Variants in MAGI1 observed in about 807,000 individuals in gnomAD.
The protein encoded by MAGI1 is membrane-associated guanylate kinase, WW and PDZ domain-containing protein 1.
Under a neutral mutation model 139.9 loss-of-function variants are expected in MAGI1, and 58 were observed. The observed-to-expected ratio is 0.41, with a 90% CI of 0.34 to 0.52. The LOEUF (loss-of-function observed/expected upper bound fraction) is 0.52. MAGI1 is among the 20% of genes least tolerant of loss of function. MAGI1 has a pLI of 0.12. For synonymous variants in MAGI1, 812 were observed against 737.9 expected, an observed-to-expected ratio of 1.10 and a Z score of -1.63; for missense variants, 1,874 against 1,901.6, an observed-to-expected ratio of 0.99 and a Z score of 0.27.
intron 12 of MAGI1, among the ~76,000 whole-genome samples, chr3:65,423,962 T>A (rs2107296452): frequency 6.6e-6 from 1 of 152,314 alleles, no homozygotes; most frequent in East Asian, 1.9e-4. Flanking sequence ...AACAACTCCT[T>A]CTTGTATTTT....
intron 1 of MAGI1, among the ~76,000 whole-genome samples, chr3:65,950,156 A>G (rs1449458430): frequency 2.1e-5 from 3 of 140,894 alleles, no homozygotes; most frequent in African/African-American, 7.9e-5. Context: ...ACAGCTTGTC[A>G]ATTTTAATCA....
intron 2 of MAGI1, among the ~76,000 whole-genome samples, chr3:65,584,760 C>A (rs1323243867): frequency 6.6e-6 from 1 of 152,128 alleles, no homozygotes; most frequent in African/African-American, 2.4e-5. Flanking sequence ...AGGATAGTGC[C>A]TCGCAAAACT....
At chr3:65,895,171 A>C (rs188407239) in intron 1 of MAGI1, among the ~76,000 whole-genome samples, 1 of 152,366 alleles carries the variant, frequency 6.6e-6, no homozygotes, top group Admixed American at 6.5e-5. Flanking sequence ...CTGGTTAACT[A>C]AAATGCCAGA....
In MAGI1 at chr3:65,478,394, A is replaced by C. The variant is rs569127490; in HGVS notation, c.757+198T>G. On this transcript the variant is annotated intron_variant, in intron 4 of 22. Coordinates refer to ENST00000402939, the MANE Select transcript of MAGI1 (RefSeq NM_001033057.2). ...CTTTAAGGTATTCTGATGAAGTTAA[A>C]ATATTCTTGTAAAGGGGCATGAAAA... 2.0e-5 allele frequency among the ~76,000 whole-genome samples: 3 copies of C among 152,302 alleles called. No individual in the cohort carries two copies. In the South Asian group the frequency reaches 6.2e-4, roughly 32 times the overall value.
intron 1 of MAGI1, among the ~76,000 whole-genome samples, chr3:65,752,985 C>A (rs1009438564): frequency 3.3e-5 from 5 of 152,176 alleles, no homozygotes; most frequent in African/African-American, 7.2e-5. Context: ...GATCTCCCTC[C>A]TCTACTGTAA....
At chr3:65,477,107 G>C (rs933201224) in intron 4 of MAGI1, among the ~76,000 whole-genome samples, 2 of 152,162 alleles carry the variant, frequency 1.3e-5, no homozygotes, top group Non-Finnish European at 2.9e-5. Context: ...CAAGAGCCAA[G>C]CCAGGGTAAC....
chr3:65,513,398 C>A (rs1457689892), intron 2 of MAGI1, among the ~76,000 whole-genome samples: 1 of 80,538 alleles, frequency 1.2e-5, no homozygotes, highest in Non-Finnish European at 2.4e-5. Flanking sequence ...GATTGTATAT[C>A]TAGAAAACCC....
At chr3:65,703,884 C>A (rs941926150) in intron 1 of MAGI1, among the ~76,000 whole-genome samples, 8 of 152,154 alleles carry the variant, frequency 5.3e-5, no homozygotes, top group Admixed American at 1.3e-4. Context: ...ACCCTGGGAA[C>A]TGTTAACTTC....
chr3:65,658,295 G>A lies in MAGI1; in HGVS notation c.314-36207C>T, dbSNP rs572235100. On this transcript the variant is annotated intron_variant, in intron 1 of 22. Coordinates refer to ENST00000402939, the MANE Select transcript of MAGI1 (RefSeq NM_001033057.2). The stretch of plus-strand genomic sequence containing the variant: ...ATCACTGTTGACTTTTAATAAGGAC[G>A]CGATGGACCAAATAGCAATACATCA... Among the ~76,000 whole-genome samples, 18 of 152,210 alleles carry A rather than the reference G, an allele frequency of 1.2e-4. 1 individual carries two copies. The highest frequency in any genetic ancestry group is 2.1e-4 in the South Asian group (1 of 4,816).
intron 3 of MAGI1, among the ~76,000 whole-genome samples, chr3:65,480,688 C>T (rs952910360): frequency 2.0e-5 from 3 of 150,280 alleles, no homozygotes; most frequent in Non-Finnish European, 4.4e-5. Flanking sequence ...CAGGTTCAAG[C>T]GATTCTCCAG....
chr3:65,386,251 A>G (rs75064639), intron 14 of MAGI1, among the ~76,000 whole-genome samples: 1 of 110,018 alleles, frequency 9.1e-6, no homozygotes, highest in South Asian at 3.4e-4. Context: ...CACATGGAAA[A>G]AAAAAAAAAA....
At chr3:65,461,734 T>C (rs11714118) in intron 5 of MAGI1, among the ~76,000 whole-genome samples, 151,308 of 152,170 alleles carry the variant, frequency 0.99, 75,234 homozygotes, top group Middle Eastern at 1. Flanking sequence ...ATGATCCACC[T>C]GCCTCAGCCT....
intron 1 of MAGI1, among the ~76,000 whole-genome samples, chr3:65,759,948 A>G (rs2036878140): frequency 6.6e-6 from 1 of 152,180 alleles, no homozygotes. Context: ...GACTATTAGA[A>G]AGCTACACAA....
chr3:65,699,742 G>A, intron 1 of MAGI1, among the ~76,000 whole-genome samples: 1 of 110,338 alleles, frequency 9.1e-6, no homozygotes, highest in Admixed American at 1.1e-4. Flanking sequence ...TGGGGGGAGG[G>A]GGGAGGGATA....
Position 65,874,068 on chromosome 3 carries a change from T to C in MAGI1, c.313+163928A>G, listed in dbSNP as rs116109611. On this transcript the variant is annotated intron_variant, in intron 1 of 22. Coordinates refer to ENST00000402939, the MANE Select transcript of MAGI1 (RefSeq NM_001033057.2). ...TGGGAACCCAAGGCAGACAGATAGC[T>C]TGAGCCCAAGCATTCGATATTAGCC... 2.6e-4 allele frequency: 39 copies of C among 152,346 alleles called. 1 individual carries two copies. The highest frequency in any genetic ancestry group is 8.4e-4 in the African/African-American group (35 of 41,548). 9.4% of individuals were successfully genotyped at this position (152,346 alleles called of 1,614,324 possible). A position where few individuals can be genotyped will look rare whatever the true frequency, so the allele number is the denominator to read the frequency against.
At chr3:65,361,848 G>T (rs1482847741) in intron 21 of MAGI1, among the ~76,000 whole-genome samples, 1 of 152,176 alleles carries the variant, frequency 6.6e-6, no homozygotes, top group South Asian at 2.1e-4. Flanking sequence ...AATGAAATGA[G>T]GGACTGCCCT....
chr3:65,592,107 C>T (rs1197533684), intron 2 of MAGI1, among the ~76,000 whole-genome samples: 2 of 152,176 alleles, frequency 1.3e-5, no homozygotes, highest in African/African-American at 4.8e-5. Flanking sequence ...ATATACCAGG[C>T]AGGCAGAACA....
At chr3:65,806,317 T>G (rs1205081225) in intron 1 of MAGI1, among the ~76,000 whole-genome samples, 1 of 151,724 alleles carries the variant, frequency 6.6e-6, no homozygotes, top group Non-Finnish European at 1.5e-5. Flanking sequence ...TGGTCCCAGC[T>G]ACTCGGGAGG....
intron 1 of MAGI1, among the ~76,000 whole-genome samples, chr3:65,923,378 A>G: frequency 6.6e-6 from 1 of 151,786 alleles, no homozygotes; most frequent in East Asian, 1.9e-4. Context: ...GGCGCGCACC[A>G]CCACGCCCAG....
Sources: allele counts gnomAD v4.1 joint callset (sites outside exome capture counted in the v4.1 genomes callset), GRCh38; gene constraint gnomAD v4.1.1; transcripts MANE v1.5; gene names NCBI Gene and HGNC (gene_info 2026-07-23, HGNC 2026-07-21).